The following PARP9 variants were observed in gnomAD, a reference collection of about 807,000 sequenced individuals.
PARP9 encodes protein mono-ADP-ribosyltransferase PARP9.
PARP9 carries 48 observed loss-of-function variants against 68.8 expected under a neutral mutation model. The ratio of observed to expected loss-of-function variants is 0.70; its 90% CI spans 0.55 to 0.89. The LOEUF is 0.89. Ranked by LOEUF, PARP9 falls within the 40% of genes least tolerant of loss-of-function variation. PARP9 has a pLI of 0.00. For synonymous variants in PARP9, 309 were observed against 333.8 expected, an observed-to-expected ratio of 0.93 and a Z score of 0.81; for missense variants, 806 against 969.3, an observed-to-expected ratio of 0.83 and a Z score of 2.24.
chr3:122,558,406 A>C (rs752455116), intron 3 of PARP9, 28 bp downstream of exon 3: 18 of 1,614,048 alleles, frequency 1.1e-5, no homozygotes. Context: ...GACTTTCTGA[A>C]ACAAGAGTGA....
intron 1 of PARP9, among the ~76,000 whole-genome samples, chr3:122,560,159 G>A (rs2080068432): frequency 1.3e-5 from 2 of 152,168 alleles, no homozygotes; most frequent in South Asian, 4.1e-4. Context: ...AGCCTGTGAG[G>A]GGGGTGTATT....
At chr3:122,550,002 A>G (rs1315665770) in intron 6 of PARP9, among the ~76,000 whole-genome samples, 1 of 152,234 alleles carries the variant, frequency 6.6e-6, no homozygotes, top group East Asian at 1.9e-4. Flanking sequence ...TTTAAGGAGC[A>G]GAGGGAAGAA....
chr3:122,548,036 G>A (rs1014404183), intron 6 of PARP9, among the ~76,000 whole-genome samples: 3 of 152,136 alleles, frequency 2.0e-5, no homozygotes, highest in African/African-American at 7.2e-5. Context: ...TTAGCTGTGG[G>A]TGAGGCGCAG....
chr3:122,562,115 T>A (rs1398867145), intron 1 of PARP9, among the ~76,000 whole-genome samples: 3 of 152,180 alleles, frequency 2.0e-5, no homozygotes, highest in Non-Finnish European at 2.9e-5. Flanking sequence ...ACTGCCTCAC[T>A]TCAGAGTCTC....
At chr3:122,560,198 T>C (rs889938995) in intron 1 of PARP9, among the ~76,000 whole-genome samples, 3 of 152,126 alleles carry the variant, frequency 2.0e-5, no homozygotes, top group African/African-American at 7.2e-5. Context: ...ATCCTTGACC[T>C]AATGATAGGG....
chr3:122,532,804 G>A (rs2077397412), intron 10 of PARP9: 1 of 152,188 alleles, frequency 6.6e-6, no homozygotes, highest in Non-Finnish European at 1.5e-5. Context: ...GGCAAGGAGG[G>A]AAGTCATTCC....
At chr3:122,561,529 C>G (rs2080205675) in intron 1 of PARP9, among the ~76,000 whole-genome samples, 1 of 152,200 alleles carries the variant, frequency 6.6e-6, no homozygotes, top group Admixed American at 6.5e-5. Flanking sequence ...TTCTATCCAT[C>G]TTTACTGGAC....
At chr3:122,537,197 G>A (rs2077713573) in intron 8 of PARP9, 124 bp from the exon 9 acceptor site, 1 of 999,262 alleles carries the variant, frequency 1.0e-6, no homozygotes, top group Non-Finnish European at 1.5e-6. Flanking sequence ...TGCCTCATGT[G>A]TTTAGGACAT....
At chr3:122,529,474 G>A (rs1368814254) in intron 10 of PARP9, among the ~76,000 whole-genome samples, 1 of 152,068 alleles carries the variant, frequency 6.6e-6, no homozygotes, top group Non-Finnish European at 1.5e-5. Flanking sequence ...ACTTCGGCCG[G>A]GCGCGGTGGC....
At chr3:122,531,352 A>G (rs1417197543) in intron 10 of PARP9, among the ~76,000 whole-genome samples, 1 of 152,082 alleles carries the variant, frequency 6.6e-6, no homozygotes, top group Admixed American at 6.5e-5. Flanking sequence ...CTTTCCCGGG[A>G]GTTTCTTCTT....
rs375287039 is a variant in PARP9 at position 122,528,732 on chromosome 3, C to A, written c.2092G>T (p.Gly698Ter). Reference sequence around the variant, plus strand: ...TTCTTGGTGAAGTATATGCCAGCTCCGTATTTTGGATCTGATAAAGGAAAA... The same window carrying A: ...TTCTTGGTGAAGTATATGCCAGCTCAGTATTTTGGATCTGATAAAGGAAAA... ...MYSTPCDPKY[G>*]AGIYFTKNLK... Residue 698 changes from glycine (G) to a stop codon, truncating the protein, a stop_gained, in exon 11 of 11, where the codon GGA becomes TGA. Transcript: ENST00000682323. LOFTEE classifies it low-confidence loss of function (END_TRUNC). The A allele has an allele frequency of 6.3e-7, 1 of 1,581,010 alleles. No individual in the cohort carries two copies. The highest frequency in any genetic ancestry group is 8.6e-7 in the Non-Finnish European group (1 of 1,165,028).
intron 10 of PARP9, 92 bp downstream of exon 10, chr3:122,536,076 C>A: frequency 6.2e-7 from 1 of 1,601,208 alleles, no homozygotes; most frequent in South Asian, 1.1e-5. Flanking sequence ...ATCCCTTCCC[C>A]ACAACAACAA....
rs909252084 is a variant in PARP9 at position 122,535,952 on chromosome 3, T to C, written c.2080+216A>G. 174 of 1,437,702 alleles carry C rather than the reference T, an allele frequency of 1.2e-4. 1 individual carries two copies. Among genetic ancestry groups the C allele is most frequent in the South Asian group, 3.1e-4 (20 of 64,822 alleles). 89.1% of individuals were successfully genotyped at this position (1,437,702 alleles called of 1,614,324 possible). A position where few individuals can be genotyped will look rare whatever the true frequency, so the allele number is the denominator to read the frequency against. ...TCTTACTGCTCACACTTTTCATCAA[T>C]GTAAAATGCATCAGCAACAAAAGAT... is the stretch of plus-strand genomic sequence containing the variant. On this transcript the variant is annotated intron_variant, in intron 10 of 10. Coordinates refer to ENST00000682323, the MANE Select transcript of PARP9 (RefSeq NM_001146105.2).
At chr3:122,548,395 A>C (rs1321842149) in intron 6 of PARP9, among the ~76,000 whole-genome samples, 2 of 152,212 alleles carry the variant, frequency 1.3e-5, no homozygotes, top group Non-Finnish European at 2.9e-5. Flanking sequence ...TATATCCAAA[A>C]TCCAGACACA....
intron 3 of PARP9, 98 bp from the exon 4 acceptor site, chr3:122,556,219 G>T: frequency 1.2e-6 from 1 of 800,628 alleles, no homozygotes; most frequent in Non-Finnish European, 1.9e-6. Context: ...AGGAGACTGT[G>T]TTTCCTATGT....
chr3:122,533,679 G>A, intron 10 of PARP9: 2 of 984,908 alleles, frequency 2.0e-6, no homozygotes, highest in Non-Finnish European at 2.4e-6. Context: ...AAATACCTGT[G>A]GAACAAATGA....
intron 7 of PARP9, among the ~76,000 whole-genome samples, chr3:122,543,402 C>T (rs1477413160): frequency 2.0e-5 from 3 of 151,748 alleles, no homozygotes; most frequent in Admixed American, 1.3e-4. Context: ...CTCAGCCTCC[C>T]GAGTAGCTGG....
In PARP9 at chr3:122,528,695, A is replaced by G. The variant is rs2077091058; in HGVS notation, c.2129T>C (p.Leu710Pro). ...AGAGATTTTCTTGGCCTTCTCTGCC[A>G]GGTTTTTGAGGTTCTTGGTGAAGTA... ...GIYFTKNLKN[L>P]AEKAKKISAA... is the part of the protein sequence containing the mutation. The change falls in exon 11 of 11, where the codon CTG becomes CCG. Residue 710 changes from leucine to proline, a missense_variant. Physicochemically the swap from Leu to Pro is moderately conservative, Grantham distance 98. Around this residue, in one of 2 missense-constraint regions of PARP9, gnomAD observed 680 missense variants for 858.8 expected, o/e 0.79. Coordinates refer to ENST00000682323, the MANE Select transcript of PARP9 (RefSeq NM_001146105.2). 1 of 1,613,744 alleles carries G rather than the reference A, an allele frequency of 6.2e-7. No individual in the cohort carries two copies. Among genetic ancestry groups the G allele is most frequent in the African/African-American group, 1.3e-5 (1 of 74,900 alleles).
At chr3:122,535,561 G>A in intron 10 of PARP9, 1 of 985,384 alleles carries the variant, frequency 1.0e-6, no homozygotes, top group Non-Finnish European at 1.2e-6. Context: ...ATTAGTGACT[G>A]AGGAGTAGAG....
Sources: allele counts gnomAD v4.1 joint callset (sites outside exome capture counted in the v4.1 genomes callset), GRCh38; gene constraint gnomAD v4.1.1; regional missense constraint gnomAD v4.1.1; transcripts MANE v1.5; gene names NCBI Gene and HGNC (gene_info 2026-07-23, HGNC 2026-07-21).